The following PIK3AP1 variants were observed in gnomAD, a reference collection of about 807,000 sequenced individuals.
The protein encoded by PIK3AP1 is phosphoinositide 3-kinase adapter protein 1.
Under a neutral mutation model 88.1 loss-of-function variants are expected in PIK3AP1, and 21 were observed. The observed-to-expected ratio is 0.24, with a 90% confidence interval of 0.17 to 0.34. The LOEUF is 0.34. Among genes scored for constraint, PIK3AP1 ranks in the 10% least tolerant of loss-of-function variants. The pLI is 1.00. For synonymous variants in PIK3AP1, 398 were observed against 400.0 expected, an observed-to-expected ratio of 1.00 and a Z score of 0.06; for missense variants, 828 against 1,035.7, an observed-to-expected ratio of 0.80 and a Z score of 2.75.
Position 96,709,708 on chromosome 10 carries a change from G to T in PIK3AP1, c.289C>A (p.Arg97Ser), listed in dbSNP as rs755714098. ...LLQRAFHPPH[R>S]VVRLLCGVRD... is the part of the protein sequence containing the mutation. The stretch of plus-strand genomic sequence containing the variant: ...ACGCCGCAGAGCAGCCTGACCACGC[G>T]GTGCGGAGGATGGAAAGCTCTCTGC... Residue 97 changes from arginine (R) to serine (S), a missense_variant, in exon 2 of 17, where the codon CGC becomes AGC. Around this residue, in one of 3 missense-constraint regions of PIK3AP1, gnomAD observed 610 missense variants for 760.1 expected, o/e 0.80. Transcript: ENST00000339364. 1 of 1,614,114 alleles carries T rather than the reference G, an allele frequency of 6.2e-7. No homozygotes were observed. Among genetic ancestry groups the T allele is most frequent in the African/African-American group, 1.3e-5 (1 of 74,942 alleles).
In PIK3AP1 at chr10:96,653,419, A is replaced by AAC. The variant is rs903904411; in HGVS notation, c.568-579_568-578dup. ...AGGCTCTGTCTCAAAAAAAAAAAAA[A>AAC]ACACACACACACACAAAACAAAACA... On this transcript the variant is annotated intron_variant, in intron 3 of 16. Coordinates refer to ENST00000339364, the MANE Select transcript of PIK3AP1 (RefSeq NM_152309.3). 6.0e-3 allele frequency among the ~76,000 whole-genome samples: 895 copies of AAC among 149,078 alleles called. 8 individuals are homozygous for AAC. The highest frequency in any genetic ancestry group is 0.021 in the African/African-American group (852 of 40,220).
chr10:96,607,323 C>T (rs1429157629), intron 14 of PIK3AP1, among the ~76,000 whole-genome samples: 1 of 152,172 alleles, frequency 6.6e-6, no homozygotes, highest in African/African-American at 2.4e-5. Flanking sequence ...GGCAAGTTGC[C>T]TACCCTTTCT....
chr10:96,650,043 A>T (rs999773125), intron 6 of PIK3AP1, among the ~76,000 whole-genome samples: 1 of 152,208 alleles, frequency 6.6e-6, no homozygotes, highest in Non-Finnish European at 1.5e-5. Flanking sequence ...TTCTATTCCA[A>T]ATATGACCTT....
chr10:96,716,032 G>A (rs778550248), intron 1 of PIK3AP1, among the ~76,000 whole-genome samples: 1 of 152,128 alleles, frequency 6.6e-6, no homozygotes, highest in Non-Finnish European at 1.5e-5. Context: ...TGTAATACCA[G>A]CACTTTGGGA....
chr10:96,632,193 G>A (rs1345930268), intron 8 of PIK3AP1, among the ~76,000 whole-genome samples: 3 of 152,140 alleles, frequency 2.0e-5, no homozygotes, highest in African/African-American at 7.2e-5. Flanking sequence ...ATCCTAGAAA[G>A]GAGCACGGAA....
chr10:96,690,174 C>CT lies in PIK3AP1; in HGVS notation c.430+19392dup, dbSNP rs1309903143. On this transcript the variant is annotated intron_variant, in intron 2 of 16. Coordinates refer to ENST00000339364, the MANE Select transcript of PIK3AP1 (RefSeq NM_152309.3). ...ACAGCAAAGTATAGAGGATGAAACT[C>CT]TGAGTTCAGTGTTGGAGGCCTGGGG... 3.9e-5 allele frequency among the ~76,000 whole-genome samples: 6 copies of CT among 152,312 alleles called. No homozygotes were observed. The East Asian group carries it at 1.2e-3, about 29-fold the overall frequency.
intron 2 of PIK3AP1, among the ~76,000 whole-genome samples, chr10:96,668,667 G>T (rs1014022094): frequency 6.6e-6 from 1 of 152,180 alleles, no homozygotes; most frequent in African/African-American, 2.4e-5. Context: ...AAGTAGGGGG[G>T]TATCGTGGTT....
intron 2 of PIK3AP1, among the ~76,000 whole-genome samples, chr10:96,683,546 T>C (rs1280873098): frequency 1.3e-5 from 2 of 152,248 alleles, no homozygotes; most frequent in Non-Finnish European, 2.9e-5. Flanking sequence ...ATCACTTCTA[T>C]ACATCTCATT....
In PIK3AP1 at chr10:96,655,657, G is replaced by A. The variant is rs535497861; in HGVS notation, c.567+1141C>T. 2.2e-4 allele frequency among the ~76,000 whole-genome samples: 33 copies of A among 152,188 alleles called. 1 individual carries two copies. The highest frequency in any genetic ancestry group is 2.6e-4 in the Admixed American group (4 of 15,282). On this transcript the variant is annotated intron_variant, in intron 3 of 16. Transcript: ENST00000339364. ...GGAGGTGATTGAATTATGGGGGGGC[G>A]GGTCTTTCCTGTGCTGTTCTCATGA...
chr10:96,616,860 G>T (rs977077866), intron 12 of PIK3AP1, 149 bp from the exon 13 acceptor site: 6 of 726,398 alleles, frequency 8.3e-6, no homozygotes, highest in African/African-American at 7.0e-5. Flanking sequence ...CGCATTCACA[G>T]TCAGCCCCCA....
chr10:96,656,878 A>G lies in PIK3AP1; in HGVS notation c.487T>C (p.Tyr163His). The change falls in exon 3 of 17, where the codon TAC becomes CAC. Residue 163 changes from tyrosine to histidine, a missense_variant. This residue lies in a region of PIK3AP1 where 610 missense variants were observed against 760.1 expected (regional missense o/e 0.80). Transcript: ENST00000339364. ...TEPEDEKVVS[Y>H]SKQQNLPTVT... The stretch of plus-strand genomic sequence containing the variant: ...GTCGGCAGGTTCTGCTGCTTCGAGT[A>G]GGAAACAACCTTCTCGTCCTCAGGC... 6.2e-7 allele frequency: 1 copy of G among 1,614,126 alleles called. No individual in the cohort carries two copies. The highest frequency in any genetic ancestry group is 8.5e-7 in the Non-Finnish European group (1 of 1,180,008).
At chr10:96,666,336 G>A (rs551182694) in intron 2 of PIK3AP1, among the ~76,000 whole-genome samples, 5 of 152,098 alleles carry the variant, frequency 3.3e-5, no homozygotes, top group South Asian at 4.1e-4. Flanking sequence ...GGAGAATGGC[G>A]TGAACCTGGG....
rs117714450 is a variant in PIK3AP1, at chr10:96,624,845, T to C, written c.1670-1308A>G. 2.1e-3 allele frequency among the ~76,000 whole-genome samples: 313 copies of C among 152,306 alleles called. 9 individuals carry two copies. The East Asian group carries it at 0.05, about 24-fold the overall frequency. On this transcript the variant is annotated intron_variant, in intron 10 of 16. Coordinates refer to ENST00000339364, the MANE Select transcript of PIK3AP1 (RefSeq NM_152309.3). The stretch of plus-strand genomic sequence containing the variant: ...TTTCCTAGCAAGTCCATCAGGGCTC[T>C]TGAGGAATCACCTGTGCCCCTGTCC...
At chr10:96,624,661 CAAAA>C (rs5787202) in intron 10 of PIK3AP1, among the ~76,000 whole-genome samples, 2 of 139,394 alleles carry the variant, frequency 1.4e-5, no homozygotes, top group Non-Finnish European at 3.1e-5. Flanking sequence ...GACCCTGTCT[CAAAA>C]AAAAAAAAAA....
intron 14 of PIK3AP1, among the ~76,000 whole-genome samples, chr10:96,608,244 G>A (rs555796803): frequency 6.6e-6 from 1 of 152,304 alleles, no homozygotes; most frequent in Non-Finnish European, 1.5e-5. Flanking sequence ...ACCCTGAGAG[G>A]GTTCTACCAC....
intron 2 of PIK3AP1, among the ~76,000 whole-genome samples, chr10:96,692,534 T>C (rs766637556): frequency 1.3e-5 from 2 of 150,896 alleles, no homozygotes; most frequent in Non-Finnish European, 2.9e-5. Flanking sequence ...AGATCGCCAC[T>C]GCACTCCAGC....
intron 2 of PIK3AP1, among the ~76,000 whole-genome samples, chr10:96,662,888 C>CAAAAAAAAAAAAAA (rs749898725): frequency 4.4e-5 from 1 of 22,574 alleles, no homozygotes; most frequent in African/African-American, 1.8e-4. Context: ...GACTCCGTCT[C>CAAAAAAAAAAAAAA]AAAAAAAAAA....
chr10:96,677,481 A>G (rs1843939063), intron 2 of PIK3AP1, among the ~76,000 whole-genome samples: 2 of 151,914 alleles, frequency 1.3e-5, no homozygotes, highest in Admixed American at 6.6e-5. Flanking sequence ...CTGTATTAAG[A>G]CAGAGTGGAA....
At chr10:96,635,017 C>A (rs892353411) in intron 8 of PIK3AP1, among the ~76,000 whole-genome samples, 4 of 152,208 alleles carry the variant, frequency 2.6e-5, no homozygotes, top group African/African-American at 7.2e-5. Context: ...TCTCTCTGGT[C>A]TGTTTTCTGA....
Sources: gnomAD v4.1 joint callset for allele counts (sites outside exome capture counted in the v4.1 genomes callset) on GRCh38, gnomAD v4.1.1 for gene constraint, gnomAD v4.1.1 regional missense constraint, MANE v1.5 for transcripts, NCBI Gene and HGNC (gene_info 2026-07-23, HGNC 2026-07-21) for gene names.